The following TTC1 variants were observed in gnomAD, a reference collection of about 807,000 sequenced individuals.
TTC1 encodes tetratricopeptide repeat domain 1.
Under a neutral mutation model 37.6 loss-of-function variants are expected in TTC1, and 31 were observed. That is an observed-to-expected ratio of 0.82 (90% CI 0.62 to 1.11). The LOEUF (loss-of-function observed/expected upper bound fraction) is 1.11. Ranked by LOEUF, TTC1 falls within the 50% of genes most tolerant of loss-of-function variation. The pLI is 0.00. For missense variants in TTC1, 351 were observed against 339.0 expected, an observed-to-expected ratio of 1.04 and a Z score of -0.28; for synonymous variants, 127 against 122.4, an observed-to-expected ratio of 1.04 and a Z score of -0.25.
At chr5:160,045,824 C>T (rs1313224005) in intron 5 of TTC1, among the ~76,000 whole-genome samples, 1 of 152,014 alleles carries the variant, frequency 6.6e-6, no homozygotes, top group African/African-American at 2.4e-5. Flanking sequence ...CTCACTGCAA[C>T]CTCTGCCTCC....
At chr5:160,033,424 T>G (rs1756951024) in intron 2 of TTC1, among the ~76,000 whole-genome samples, 1 of 152,212 alleles carries the variant, frequency 6.6e-6, no homozygotes, top group Admixed American at 6.5e-5. Flanking sequence ...CATAGTGTAA[T>G]AATAAGACAT....
intron 2 of TTC1, among the ~76,000 whole-genome samples, chr5:160,017,617 C>T (rs1355656589): frequency 6.6e-6 from 1 of 152,122 alleles, no homozygotes; most frequent in African/African-American, 2.4e-5. Context: ...AGTATTGATT[C>T]CATAAGAAAA....
chr5:160,057,375 A>T lies in TTC1; in HGVS notation c.745+6192A>T, dbSNP rs765266054. ...AGAAGTTATGTTTATATAATACTGTAGTCTACTAAGTATGCAACAGCACTG... is the reference window on the plus strand; with the variant it reads ...AGAAGTTATGTTTATATAATACTGTTGTCTACTAAGTATGCAACAGCACTG... On this transcript the variant is annotated intron_variant, in intron 7 of 7. Transcript: ENST00000231238. The surrounding 1 kb of genome is among the most constrained non-coding windows in gnomAD (Gnocchi z 4.4). Among the ~76,000 whole-genome samples, 34 of 152,150 alleles carry T rather than the reference A, an allele frequency of 2.2e-4. No individual in the cohort carries two copies. The highest frequency in any genetic ancestry group is 4.0e-4 in the Non-Finnish European group (27 of 67,972).
At chr5:160,014,302 G>A (rs1285467911) in intron 2 of TTC1, among the ~76,000 whole-genome samples, 1 of 152,008 alleles carries the variant, frequency 6.6e-6, no homozygotes, top group Non-Finnish European at 1.5e-5. Context: ...AGGTTGCAGT[G>A]AGCCGAGATT....
At chr5:160,051,236 G>A (rs1262077916) in intron 7 of TTC1, 53 bp downstream of exon 7, 8 of 1,461,620 alleles carry the variant, frequency 5.5e-6, no homozygotes, top group African/African-American at 1.4e-5. Flanking sequence ...ACCTAGGGTG[G>A]GGACATAGCG....
chr5:160,042,685 C>T (rs1385529742), intron 4 of TTC1, among the ~76,000 whole-genome samples: 1 of 152,124 alleles, frequency 6.6e-6, no homozygotes, highest in Non-Finnish European at 1.5e-5. Context: ...TGACAAGCCA[C>T]ACTGTGTGTC....
intron 7 of TTC1, among the ~76,000 whole-genome samples, chr5:160,053,425 G>T (rs1219361574): frequency 6.6e-6 from 1 of 152,080 alleles, no homozygotes; most frequent in African/African-American, 2.4e-5. Flanking sequence ...TTAGCCAGGT[G>T]TGCTGGTGTG....
rs182540355 is a variant in TTC1 at position 160,033,373 on chromosome 5, T to A, written c.331-1767T>A. Among the ~76,000 whole-genome samples the A allele has an allele frequency of 3.3e-5, 5 of 152,356 alleles. No homozygotes were observed. The East Asian group carries it at 9.6e-4, about 29-fold the overall frequency. ...ATTAGATTCACTCTATACTTACCTT[T>A]TAGTTTCCTCACTGAGATTCATCAA... On this transcript the variant is annotated intron_variant, in intron 2 of 7. Transcript: ENST00000231238.
chr5:160,028,676 A>G (rs895676446), intron 2 of TTC1, among the ~76,000 whole-genome samples: 5 of 152,090 alleles, frequency 3.3e-5, no homozygotes, highest in African/African-American at 1.2e-4. Flanking sequence ...GGGTTTCGCC[A>G]TGTTGCCCAG....
At chr5:160,038,358 A>C (rs565535889) in intron 4 of TTC1, among the ~76,000 whole-genome samples, 3 of 152,268 alleles carry the variant, frequency 2.0e-5, no homozygotes, top group African/African-American at 7.2e-5. Flanking sequence ...ACATTTTTAG[A>C]CTGGACATTG....
intron 5 of TTC1, 58 bp from the exon 6 acceptor site, chr5:160,049,456 C>T: frequency 6.9e-7 from 1 of 1,439,864 alleles, no homozygotes; most frequent in East Asian, 2.4e-5. Context: ...TCTGATATAG[C>T]CAAAGATATG....
chr5:160,049,029 A>G (rs1166543030), intron 5 of TTC1, among the ~76,000 whole-genome samples: 1 of 152,208 alleles, frequency 6.6e-6, no homozygotes, highest in Non-Finnish European at 1.5e-5. Context: ...GTAAATGACA[A>G]GTAGGCAAAA....
intron 2 of TTC1, among the ~76,000 whole-genome samples, chr5:160,014,264 A>G (rs1003144748): frequency 2.0e-5 from 3 of 152,074 alleles, no homozygotes; most frequent in African/African-American, 7.2e-5. Context: ...AGGATGAGGC[A>G]GGAGAATTGC....
intron 2 of TTC1, among the ~76,000 whole-genome samples, chr5:160,031,352 C>G (rs985852961): frequency 6.6e-6 from 1 of 152,158 alleles, no homozygotes; most frequent in African/African-American, 2.4e-5. Flanking sequence ...TAGCTCACAC[C>G]TGTAATCCCA....
At chr5:160,028,522 C>A (rs1277215431) in intron 2 of TTC1, among the ~76,000 whole-genome samples, 3 of 152,062 alleles carry the variant, frequency 2.0e-5, no homozygotes, top group Non-Finnish European at 4.4e-5. Context: ...CGCACTCTGT[C>A]ACCTAGGCTA....
rs559624090 is a variant in TTC1 at position 160,010,678 on chromosome 5, G to A, written c.150G>A (p.Glu50=). 3.2e-4 allele frequency: 523 copies of A among 1,613,770 alleles called. 6 individuals are homozygous for A. In the South Asian group the frequency reaches 5.5e-3, roughly 17 times the overall value. Residue 50 remains glutamate, a synonymous_variant, in exon 2 of 8, where the codon GAG becomes GAA. Transcript: ENST00000231238. ...AGAGTAAGCTGCTCAGGGATGATGA[G>A]GCCCATCTCCAGGAGGACCAGGGAG... ...HSQSKLLRDD[E]AHLQEDQGEE...
intron 5 of TTC1, among the ~76,000 whole-genome samples, chr5:160,045,181 A>T (rs543353522): frequency 6.6e-6 from 1 of 152,118 alleles, no homozygotes; most frequent in African/African-American, 2.4e-5. Context: ...CGTGATTAGC[A>T]TGGTATGTTG....
chr5:160,032,891 TG>T (rs1202879304), intron 2 of TTC1, among the ~76,000 whole-genome samples: 8 of 144,492 alleles, frequency 5.5e-5, no homozygotes, highest in African/African-American at 1.6e-4. Context: ...TTTTTTTTTT[TG>T]GGGGGGTATT....
At chr5:160,023,698 T>A in intron 2 of TTC1, 1 of 1,549,660 alleles carries the variant, frequency 6.5e-7, no homozygotes, top group Non-Finnish European at 8.9e-7. Flanking sequence ...ACAAGGCATG[T>A]CACATGTTGC....
Sources: gnomAD v4.1 joint callset for allele counts (sites outside exome capture counted in the v4.1 genomes callset) on GRCh38, gnomAD v4.1.1 for gene constraint, Gnocchi (gnomAD v3.1) non-coding constraint, MANE v1.5 for transcripts, NCBI Gene and HGNC (gene_info 2026-07-23, HGNC 2026-07-21) for gene names.